The following MYMX variants were observed in gnomAD, a reference collection of about 807,000 sequenced individuals.
The protein encoded by MYMX is protein myomixer.
the MYMX span, among the ~76,000 whole-genome samples, chr6:44,198,134 C>T: frequency 6.9e-6 from 1 of 144,088 alleles, no homozygotes; most frequent in Non-Finnish European, 1.5e-5. Context: ...ACACATAATT[C>T]TCTACTATCC....
At chr6:44,199,711 T>TCA in the MYMX span, among the ~76,000 whole-genome samples, 3 of 148,432 alleles carry the variant, frequency 2.0e-5, no homozygotes, top group Non-Finnish European at 3.0e-5. Context: ...TTTGAGACAG[T>TCA]CTCTCTCTGC....
chr6:44,193,980 G>A, the MYMX span, among the ~76,000 whole-genome samples: 22 of 151,210 alleles, frequency 1.5e-4, no homozygotes, highest in East Asian at 1.7e-3. Context: ...GCAAAACTCC[G>A]TCTCCAAAAA....
the MYMX span, among the ~76,000 whole-genome samples, chr6:44,207,241 C>T: frequency 6.6e-6 from 1 of 152,156 alleles, no homozygotes; most frequent in African/African-American, 2.4e-5. Flanking sequence ...TCACTGCAAG[C>T]TCCGCCTCCC....
At position 44,217,715 on chromosome 6, in the gene MYMX, C is replaced by T. The variant is rs1775959504; in HGVS notation, c.244C>T (p.Pro82Ser). 5.0e-6 allele frequency: 2 copies of T among 400,866 alleles called. No individual in the cohort carries two copies. Among genetic ancestry groups the T allele is most frequent in the African/African-American group, 2.1e-5 (1 of 48,698 alleles). The allele number at this position is 400,866 out of a possible 1,614,324, so 24.8% of individuals were successfully genotyped here. A position where few individuals can be genotyped will look rare whatever the true frequency, so the allele number is the denominator to read the frequency against. Residue 82 changes from proline to serine, a missense_variant, in exon 2 of 2, where the codon CCC (proline) becomes TCC (serine). By Grantham distance (74) the Pro-to-Ser change is moderately conservative (BLOSUM62 -1). Coordinates refer to ENST00000573382, the MANE Select transcript of MYMX (RefSeq NM_001315494.2). ...DRLERRERLG[P>S]QK The stretch of plus-strand genomic sequence containing the variant: ...CCTGGAGAGGAGGGAGAGGTTAGGC[C>T]CCCAAAAGTGAGGCCACAAGTCCTG...
chr6:44,206,568 A>G, the MYMX span, among the ~76,000 whole-genome samples: 1 of 152,166 alleles, frequency 6.6e-6, no homozygotes, highest in Non-Finnish European at 1.5e-5. Context: ...TAACAAGATA[A>G]AACATTTGTG....
At chr6:44,197,086 C>A in the MYMX span, among the ~76,000 whole-genome samples, 1 of 152,142 alleles carries the variant, frequency 6.6e-6, no homozygotes, top group African/African-American at 2.4e-5. Context: ...AAAATGCCAT[C>A]TCTACTAAAA....
At chr6:44,195,758 G>A in the MYMX span, among the ~76,000 whole-genome samples, 3 of 152,036 alleles carry the variant, frequency 2.0e-5, no homozygotes, top group African/African-American at 4.8e-5. Flanking sequence ...TTTTACTCAC[G>A]TTATGTATCA....
At chr6:44,207,359 T>G in the MYMX span, among the ~76,000 whole-genome samples, 3 of 152,032 alleles carry the variant, frequency 2.0e-5, no homozygotes, top group Non-Finnish European at 4.4e-5. Context: ...CAGGATGGTC[T>G]CGATCTCCTG....
chr6:44,203,428 GT>G, the MYMX span, among the ~76,000 whole-genome samples: 212 of 152,342 alleles, frequency 1.4e-3, 2 homozygotes, highest in African/African-American at 4.7e-3. Context: ...AGAAGGCTCT[GT>G]GGCCTGTCCT....
chr6:44,205,001 C>G, the MYMX span, among the ~76,000 whole-genome samples: 42 of 152,284 alleles, frequency 2.8e-4, no homozygotes, highest in Admixed American at 1.3e-3. Flanking sequence ...CAAACAGTGA[C>G]ACATCAGTGC....
At chr6:44,200,858 G>A in the MYMX span, among the ~76,000 whole-genome samples, 2 of 152,130 alleles carry the variant, frequency 1.3e-5, no homozygotes, top group African/African-American at 2.4e-5. Context: ...CAGCTGAGTG[G>A]GGGGTGGGGG....
the MYMX span, among the ~76,000 whole-genome samples, chr6:44,193,684 C>T: frequency 6.6e-6 from 1 of 152,188 alleles, no homozygotes; most frequent in Non-Finnish European, 1.5e-5. Flanking sequence ...ATGATTCTAA[C>T]TCTAACAGTA....
chr6:44,199,955 G>A, the MYMX span, among the ~76,000 whole-genome samples: 3 of 152,160 alleles, frequency 2.0e-5, no homozygotes, highest in Admixed American at 1.3e-4. Flanking sequence ...AAAGTGTTGG[G>A]ATTACAGGCA....
upstream of MYMX, among the ~76,000 whole-genome samples, chr6:44,214,665 C>T (rs1440255146): frequency 1.3e-5 from 2 of 152,126 alleles, no homozygotes; most frequent in African/African-American, 2.4e-5. Context: ...CTCTGTCTCC[C>T]GGGTTCAAGC....
Position 44,217,513 on chromosome 6 carries a change from G to A in MYMX, c.42G>A (p.Leu14=). The A allele has an allele frequency of 2.5e-6, 1 of 406,408 alleles. No individual in the cohort carries two copies. The highest frequency in any genetic ancestry group is 4.3e-6 in the Non-Finnish European group (1 of 230,736). 25.2% of individuals were successfully genotyped at this position (406,408 alleles called of 1,614,324 possible). Residue 14 remains leucine, a synonymous_variant, in exon 2 of 2, where the codon CTG becomes CTA. Coordinates refer to ENST00000573382, the MANE Select transcript of MYMX (RefSeq NM_001315494.2). The stretch of plus-strand genomic sequence containing the variant: ...TCCCGCTGCTGCTTCGATTGCTGCT[G>A]TCCTGCCTGCTGCTGCCTGCTGCCC... The part of the protein sequence containing the change: ...PLLPLLLRLL[L]SCLLLPAARL...
the MYMX span, among the ~76,000 whole-genome samples, chr6:44,202,753 A>T: frequency 6.6e-6 from 1 of 152,026 alleles, no homozygotes; most frequent in African/African-American, 2.4e-5. Flanking sequence ...TCCCAGGAAG[A>T]GTCAGGGGTT....
chr6:44,211,814 G>A, the MYMX span, among the ~76,000 whole-genome samples: 3 of 151,130 alleles, frequency 2.0e-5, no homozygotes, highest in Non-Finnish European at 3.0e-5. Flanking sequence ...GTGTGTGTGT[G>A]TGTGTGTGTT....
At chr6:44,217,206 G>A (rs186429027) in intron 1 of MYMX, among the ~76,000 whole-genome samples, 26 of 152,254 alleles carry the variant, frequency 1.7e-4, no homozygotes, top group Middle Eastern at 3.4e-3. Context: ...GGAACGGCAA[G>A]CTGTAGGTCT....
At chr6:44,201,085 G>A in the MYMX span, among the ~76,000 whole-genome samples, 8 of 152,138 alleles carry the variant, frequency 5.3e-5, no homozygotes, top group Non-Finnish European at 1.0e-4. Context: ...CTGCCCGGTC[G>A]CCTGTGCATG....
Sources: gnomAD v4.1 joint callset for allele counts (sites outside exome capture counted in the v4.1 genomes callset) on GRCh38, gnomAD v4.1.1 for gene constraint, MANE v1.5 for transcripts, NCBI Gene and HGNC (gene_info 2026-07-23, HGNC 2026-07-21) for gene names.